DRC1: variants seen among roughly 807,000 people sequenced by gnomAD.
DRC1 encodes the protein dynein regulatory complex protein 1.
DRC1 carries 74 observed loss-of-function variants against 98.7 expected under a neutral mutation model. The ratio of observed to expected loss-of-function variants is 0.75; its 90% confidence interval spans 0.62 to 0.91. DRC1 has a LOEUF of 0.91. Ranked by LOEUF, DRC1 falls within the 40% of genes least tolerant of loss-of-function variation. The probability of loss-of-function intolerance (pLI) is 0.00; values close to 1 mark genes in which losing one functional copy is unlikely to be tolerated. For missense variants in DRC1, 875 were observed against 886.0 expected (o/e 0.99, Z 0.16); for synonymous variants, 336 against 334.1 (o/e 1.01, Z -0.06).
rs188975757 is a variant in DRC1, at chr2:26,436,436, C to T, written c.889-3942C>T. Among the ~76,000 whole-genome samples, 492 of 152,204 alleles carry T rather than the reference C, an allele frequency of 3.2e-3. 2 individuals are homozygous for T. Among genetic ancestry groups the T allele is most frequent in the African/African-American group, 0.011 (473 of 41,530 alleles). The stretch of plus-strand genomic sequence containing the variant: ...AAGCAAACCTCCCACCTCAGTCTCC[C>T]GAATAGCTGGGACTACAGGCACATG... On this transcript the variant is annotated intron_variant, in intron 7 of 16. Transcript: ENST00000288710.
intron 7 of DRC1, among the ~76,000 whole-genome samples, chr2:26,439,592 C>T (rs1170527720): frequency 1.3e-5 from 2 of 151,990 alleles, no homozygotes; most frequent in Non-Finnish European, 2.9e-5. Flanking sequence ...AACACTTCTA[C>T]CCTGGAAGGT....
At chr2:26,424,911 C>A in intron 4 of DRC1, among the ~76,000 whole-genome samples, 1 of 152,200 alleles carries the variant, frequency 6.6e-6, no homozygotes, top group Non-Finnish European at 1.5e-5. Context: ...GAGATCGCAC[C>A]ACTGCACTCC....
rs1678563275 is a variant in DRC1 at position 26,410,272 on chromosome 2, T to C, written c.156-4072T>C. The stretch of plus-strand genomic sequence containing the variant: ...ATTATTATTATTATTATTATTATTA[T>C]TATTATTATTAATTTTGATACGGAG... On this transcript the variant is annotated intron_variant, in intron 1 of 16. Coordinates refer to ENST00000288710, the MANE Select transcript of DRC1 (RefSeq NM_145038.5). Among the ~76,000 whole-genome samples, 6 of 145,448 alleles carry C rather than the reference T, an allele frequency of 4.1e-5. No homozygotes were observed. In the South Asian group the frequency reaches 1.3e-3, roughly 31 times the overall value.
chr2:26,436,338 T>C (rs1663570656), intron 7 of DRC1, among the ~76,000 whole-genome samples: 2 of 152,172 alleles, frequency 1.3e-5, no homozygotes, highest in Non-Finnish European at 2.9e-5. Context: ...AGACAGGGTC[T>C]TCCTCTGTTG....
intron 1 of DRC1, 36 bp downstream of exon 1, chr2:26,402,180 G>T (rs1343204007): frequency 2.0e-6 from 3 of 1,531,752 alleles, no homozygotes; most frequent in East Asian, 2.4e-5. Flanking sequence ...GATCCGCGCC[G>T]CAGGAGCCGG....
chr2:26,402,235 G>A, intron 1 of DRC1, 91 bp downstream of exon 1: 1 of 1,452,514 alleles, frequency 6.9e-7, no homozygotes, highest in Non-Finnish European at 9.0e-7. Context: ...TCTTCGGGAA[G>A]GTTCAGGCAG....
At chr2:26,413,009 C>G (rs370858339) in intron 1 of DRC1, among the ~76,000 whole-genome samples, 1 of 152,202 alleles carries the variant, frequency 6.6e-6, no homozygotes, top group East Asian at 1.9e-4. Context: ...GTCTCGATCT[C>G]CTGACCTCGC....
In DRC1 at chr2:26,444,951, G is replaced by A; in HGVS notation, c.1396+3G>A. 6.2e-7 allele frequency: 1 copy of A among 1,613,756 alleles called. No homozygotes were observed. Among genetic ancestry groups the A allele is most frequent in the Non-Finnish European group, 8.5e-7 (1 of 1,179,890 alleles). ...AGAAGAAATGCTTATGCGCTCAGGT[G>A]ACTAGAACACTGTCATAGAGCCTTA... On this transcript the variant is annotated splice_donor_region_variant and intron_variant, in intron 10 of 16. Coordinates refer to ENST00000288710, the MANE Select transcript of DRC1 (RefSeq NM_145038.5).
intron 2 of DRC1, among the ~76,000 whole-genome samples, chr2:26,417,336 T>C (rs1678842973): frequency 6.6e-6 from 1 of 151,990 alleles, no homozygotes; most frequent in African/African-American, 2.4e-5. Flanking sequence ...TCTTTTTTTT[T>C]TTTTTTTCTT....
At chr2:26,439,253 G>C (rs906732667) in intron 7 of DRC1, among the ~76,000 whole-genome samples, 1 of 151,968 alleles carries the variant, frequency 6.6e-6, no homozygotes, top group Non-Finnish European at 1.5e-5. Context: ...CATTCTCTAG[G>C]TCTCAGCTAG....
At chr2:26,456,432 T>C (rs1378216176) in intron 16 of DRC1, 29 bp from the exon 17 acceptor site, 1 of 1,613,574 alleles carries the variant, frequency 6.2e-7, no homozygotes, top group South Asian at 1.1e-5. Flanking sequence ...CTGGGAAAAA[T>C]GTAACGACTT....
intron 3 of DRC1, among the ~76,000 whole-genome samples, chr2:26,422,505 G>T (rs1027772402): frequency 6.6e-6 from 1 of 152,176 alleles, no homozygotes. Flanking sequence ...CAGCAGGGAG[G>T]CATAAGCGGC....
chr2:26,428,944 C>A (rs924634033), intron 4 of DRC1, among the ~76,000 whole-genome samples: 1 of 152,140 alleles, frequency 6.6e-6, no homozygotes, highest in African/African-American at 2.4e-5. Context: ...TTAAGGAATG[C>A]AACTTAGTCT....
At chr2:26,452,718 C>T (rs896257088) in intron 13 of DRC1, among the ~76,000 whole-genome samples, 5 of 152,042 alleles carry the variant, frequency 3.3e-5, no homozygotes, top group African/African-American at 1.2e-4. Context: ...GGGAAAAAAC[C>T]AAAGTTCTTT....
At chr2:26,455,996 G>C (rs1664155588) in intron 16 of DRC1, among the ~76,000 whole-genome samples, 1 of 152,232 alleles carries the variant, frequency 6.6e-6, no homozygotes, top group East Asian at 1.9e-4. Flanking sequence ...CGTGGCCCCA[G>C]CACAGTCCCA....
chr2:26,415,595 T>C (rs1382921635), intron 2 of DRC1, among the ~76,000 whole-genome samples: 1 of 152,174 alleles, frequency 6.6e-6, no homozygotes, highest in Non-Finnish European at 1.5e-5. Flanking sequence ...GCAGAGTAGA[T>C]GATTCATGTC....
intron 2 of DRC1, among the ~76,000 whole-genome samples, chr2:26,419,634 GTC>G (rs889174371): frequency 3.2e-4 from 49 of 152,314 alleles, no homozygotes; most frequent in African/African-American, 1.2e-3. Flanking sequence ...ATCAAGTGAA[GTC>G]TCTGGTCATT....
intron 16 of DRC1, among the ~76,000 whole-genome samples, chr2:26,456,099 G>A (rs914645616): frequency 6.6e-6 from 1 of 152,230 alleles, no homozygotes; most frequent in Non-Finnish European, 1.5e-5. Context: ...ATTCTGGACG[G>A]TATGGTTCCC....
chr2:26,426,160 C>T (rs1038493588), intron 4 of DRC1, among the ~76,000 whole-genome samples: 2 of 152,158 alleles, frequency 1.3e-5, no homozygotes, highest in Admixed American at 1.3e-4. Context: ...TATCCTTTCT[C>T]CACTGTATAG....
Sources: allele counts gnomAD v4.1 joint callset (sites outside exome capture counted in the v4.1 genomes callset), GRCh38; gene constraint gnomAD v4.1.1; transcripts MANE v1.5; gene names NCBI Gene and HGNC (gene_info 2026-07-23, HGNC 2026-07-21).